The following EYS variants were observed in gnomAD, a reference collection of about 807,000 sequenced individuals.
The protein encoded by EYS is EGF-like photoreceptor maintenance factor, also known as protein eyes shut homolog.
In EYS, 250 loss-of-function variants were observed where a neutral mutation model predicts 282.1. The ratio of observed to expected loss-of-function variants is 0.89; its 90% CI spans 0.80 to 0.98. EYS has a LOEUF of 0.98. Among genes scored for constraint, EYS ranks in the 50% least tolerant of loss-of-function variants. The probability of loss-of-function intolerance (pLI) is 0.00; values close to 1 mark genes in which losing one functional copy is unlikely to be tolerated. For synonymous variants in EYS, 1,355 were observed against 1,282.9 expected (o/e 1.06, Z -1.20); for missense variants, 4,016 against 3,709.0 (o/e 1.08, Z -2.15).
chr6:65,080,913 A>G (rs1302362238), intron 12 of EYS, among the ~76,000 whole-genome samples: 1 of 152,088 alleles, frequency 6.6e-6, no homozygotes, highest in Admixed American at 6.6e-5. Context: ...ACAACCTGGT[A>G]TCTTTATCTA....
intron 12 of EYS, among the ~76,000 whole-genome samples, chr6:65,121,287 A>G (rs1775541163): frequency 6.6e-6 from 1 of 152,128 alleles, no homozygotes; most frequent in South Asian, 2.1e-4. Context: ...CTCTGTTTAG[A>G]GATGGGGATG....
At chr6:63,946,751 A>G (rs565163797) in intron 35 of EYS, among the ~76,000 whole-genome samples, 136 of 146,018 alleles carry the variant, frequency 9.3e-4, no homozygotes, top group African/African-American at 3.4e-3. Flanking sequence ...TTTTGGCTAC[A>G]TGAAAGAGTT....
chr6:63,925,463 A>G (rs1341967042), intron 35 of EYS, among the ~76,000 whole-genome samples: 1 of 152,204 alleles, frequency 6.6e-6, no homozygotes, highest in East Asian at 1.9e-4. Flanking sequence ...AAGTTGTGGA[A>G]CATTTTATTT....
At chr6:64,515,587 A>G (rs951180337) in intron 26 of EYS, among the ~76,000 whole-genome samples, 1 of 151,472 alleles carries the variant, frequency 6.6e-6, no homozygotes, top group African/African-American at 2.4e-5. Context: ...GTTGATATTA[A>G]TATATTGATC....
In EYS at chr6:64,899,520, C is replaced by T. The variant is rs1254799744; in HGVS notation, c.2846+2593G>A. Among the ~76,000 whole-genome samples the T allele has an allele frequency of 6.6e-5, 10 of 152,124 alleles. 1 individual carries two copies. The highest frequency in any genetic ancestry group is 6.6e-4 in the Admixed American group (10 of 15,248). ...CTGATGAGCAACTTCAGCAAAATCTCAGGATACTAAATCCATGTGCAAAAG... is the reference window on the plus strand; with the variant it reads ...CTGATGAGCAACTTCAGCAAAATCTTAGGATACTAAATCCATGTGCAAAAG... On this transcript the variant is annotated intron_variant, in intron 18 of 42. Transcript: ENST00000503581.
chr6:64,610,350 G>A (rs183151392), intron 24 of EYS, among the ~76,000 whole-genome samples: 14 of 151,886 alleles, frequency 9.2e-5, no homozygotes, highest in Admixed American at 4.6e-4. Flanking sequence ...AGGTCTATGA[G>A]GTGGTCATTA....
At chr6:64,310,639 A>C (rs1769657067) in intron 29 of EYS, among the ~76,000 whole-genome samples, 1 of 152,332 alleles carries the variant, frequency 6.6e-6, no homozygotes, top group East Asian at 1.9e-4. Context: ...AATATGTACT[A>C]GGCTTAATAC....
chr6:63,937,370 T>C (rs1765096338), intron 35 of EYS, among the ~76,000 whole-genome samples: 3 of 64,330 alleles, frequency 4.7e-5, no homozygotes, highest in African/African-American at 2.1e-4. Context: ...TTTTTTTTTT[T>C]TTTTTTTTTT....
At chr6:64,122,654 AT>A (rs1773627739) in intron 31 of EYS, among the ~76,000 whole-genome samples, 1 of 151,522 alleles carries the variant, frequency 6.6e-6, no homozygotes, top group African/African-American at 2.4e-5. Context: ...CATTTATCTC[AT>A]TAATATGTTA....
At chr6:63,867,811 T>C (rs1772704905) in intron 35 of EYS, among the ~76,000 whole-genome samples, 1 of 152,148 alleles carries the variant, frequency 6.6e-6, no homozygotes. Context: ...TCTTGCCCTC[T>C]GAGATTCTGA....
At chr6:65,068,015 A>G (rs138356242) in intron 12 of EYS, among the ~76,000 whole-genome samples, 72 of 152,152 alleles carry the variant, frequency 4.7e-4, no homozygotes, top group Middle Eastern at 3.4e-3. Flanking sequence ...ATTAATTCCT[A>G]TTCATATAAA....
rs142684323 is a variant in EYS at position 65,584,373 on chromosome 6, C to A, written c.-333+55405G>T. Among the ~76,000 whole-genome samples, 436 of 152,104 alleles carry A rather than the reference C, an allele frequency of 2.9e-3. 2 individuals are homozygous for A. Among genetic ancestry groups the A allele is most frequent in the African/African-American group, 9.9e-3 (410 of 41,526 alleles). On this transcript the variant is annotated intron_variant, in intron 2 of 42. Coordinates refer to ENST00000503581, the MANE Select transcript of EYS (RefSeq NM_001142800.2). The stretch of plus-strand genomic sequence containing the variant: ...AGAACTCCACACAACAGAAAATTAT[C>A]CAATCCAAAAGAGTAATGTCAACAT...
At chr6:64,406,307 T>G (rs1357369088) in intron 28 of EYS, among the ~76,000 whole-genome samples, 1 of 152,086 alleles carries the variant, frequency 6.6e-6, no homozygotes, top group Non-Finnish European at 1.5e-5. Context: ...ATACAAAAAT[T>G]AACTCAAGAT....
intron 22 of EYS, among the ~76,000 whole-genome samples, chr6:64,690,577 C>A (rs60104809): frequency 0.029 from 4,346 of 152,150 alleles, 130 homozygotes; most frequent in East Asian, 0.14. Context: ...TGGAATCAAC[C>A]CAAATGTCCA....
intron 19 of EYS, among the ~76,000 whole-genome samples, chr6:64,837,129 A>C (rs2150032085): frequency 6.6e-6 from 1 of 151,790 alleles, no homozygotes; most frequent in African/African-American, 2.4e-5. Context: ...GTTATTGTTC[A>C]CTTTTTGTGG....
At chr6:64,531,500 C>A (rs1445728297) in intron 26 of EYS, among the ~76,000 whole-genome samples, 1 of 150,926 alleles carries the variant, frequency 6.6e-6, no homozygotes, top group African/African-American at 2.4e-5. Context: ...CATTCTCCTG[C>A]CTCAGCCTCC....
chr6:65,194,982 A>G (rs1765730934), intron 12 of EYS, among the ~76,000 whole-genome samples: 1 of 151,866 alleles, frequency 6.6e-6, no homozygotes, highest in Non-Finnish European at 1.5e-5. Flanking sequence ...TAATTTTATT[A>G]CAAAGGCTGT....
rs557655608 is a variant in EYS, at chr6:64,135,492, AT to A, written c.6425-53491del. On this transcript the variant is annotated intron_variant, in intron 31 of 42. Coordinates refer to ENST00000503581, the MANE Select transcript of EYS (RefSeq NM_001142800.2). ...ACACTATGGGGATATTTTAAAATAA[AT>A]AATTAAACGAGTAATGGGAAGGGAG... is the stretch of plus-strand genomic sequence containing the variant. 6.2e-3 allele frequency among the ~76,000 whole-genome samples: 940 copies of A among 152,174 alleles called. 15 individuals are homozygous for A. The highest frequency in any genetic ancestry group is 5.0e-3 in the Non-Finnish European group (337 of 67,966).
At chr6:65,486,019 T>C (rs936067975) in intron 5 of EYS, among the ~76,000 whole-genome samples, 1 of 152,224 alleles carries the variant, frequency 6.6e-6, no homozygotes, top group Non-Finnish European at 1.5e-5. Context: ...AAGTTATTGG[T>C]TCCTGTGGTG....
Sources: gnomAD v4.1 joint callset for allele counts (sites outside exome capture counted in the v4.1 genomes callset) on GRCh38, gnomAD v4.1.1 for gene constraint, MANE v1.5 for transcripts, NCBI Gene and HGNC (gene_info 2026-07-23, HGNC 2026-07-21) for gene names.